TRIM9: variants seen among roughly 807,000 people sequenced by gnomAD.
TRIM9 encodes tripartite motif containing 9, also known as E3 ubiquitin-protein ligase TRIM9.
TRIM9 carries 26 observed loss-of-function variants against 78.3 expected under a neutral mutation model. That is an observed-to-expected ratio of 0.33 (90% CI 0.24 to 0.46). The LOEUF (loss-of-function observed/expected upper bound fraction) is 0.46. Among genes scored for constraint, TRIM9 ranks in the 20% least tolerant of loss-of-function variants. The pLI, the probability that TRIM9 is intolerant of heterozygous loss-of-function variation, is 1.00. For missense variants in TRIM9, 787 were observed against 1,036.4 expected (o/e 0.76, Z 3.30); for synonymous variants, 398 against 416.5 (o/e 0.96, Z 0.54).
intron 10 of TRIM9, 145 bp downstream of exon 10, chr14:50,982,797 G>C: frequency 1.4e-6 from 1 of 713,004 alleles, no homozygotes; most frequent in Admixed American, 2.6e-5. Flanking sequence ...TGATGTCTTT[G>C]TACGCATTGT....
chr14:51,071,429 A>G (rs2062253087), intron 1 of TRIM9, among the ~76,000 whole-genome samples: 1 of 151,490 alleles, frequency 6.6e-6, no homozygotes, highest in Admixed American at 6.6e-5. Context: ...AAGAAAAGAA[A>G]GTGGAGACAA....
At chr14:51,065,980 C>T (rs2061694976) in intron 1 of TRIM9, among the ~76,000 whole-genome samples, 1 of 151,608 alleles carries the variant, frequency 6.6e-6, no homozygotes, top group Non-Finnish European at 1.5e-5. Flanking sequence ...AATACAGGGC[C>T]TGTGCCATCA....
intron 1 of TRIM9, among the ~76,000 whole-genome samples, chr14:51,058,540 T>A (rs1236827946): frequency 6.6e-6 from 1 of 152,084 alleles, no homozygotes; most frequent in Non-Finnish European, 1.5e-5. Flanking sequence ...GGGACATGCA[T>A]CCTCCAGGCC....
intron 1 of TRIM9, among the ~76,000 whole-genome samples, chr14:51,081,582 T>C (rs1284493042): frequency 6.6e-6 from 1 of 152,140 alleles, no homozygotes; most frequent in African/African-American, 2.4e-5. Context: ...AGAGTTAGAC[T>C]CCACAGCAGT....
rs868121256 is a variant in TRIM9 at position 51,030,286 on chromosome 14, C to T, written c.823-4926G>A. The stretch of plus-strand genomic sequence containing the variant: ...CTGAGCTGTCCAAGGGTCCTGATTC[C>T]CCCTCTAGGAAACATTTCTATTCCT... On this transcript the variant is annotated intron_variant, in intron 1 of 12. Transcript: ENST00000684578. Among the ~76,000 whole-genome samples, 9 of 152,306 alleles carry T rather than the reference C, an allele frequency of 5.9e-5. No homozygotes were observed. In the South Asian group the frequency reaches 1.4e-3, roughly 25 times the overall value.
In TRIM9 at chr14:50,977,000, T is replaced by C. The variant is rs1462049170; in HGVS notation, c.*291A>G. 3 of 273,286 alleles carry C rather than the reference T, an allele frequency of 1.1e-5. No homozygotes were observed. 16.9% of individuals were successfully genotyped at this position (273,286 alleles called of 1,614,324 possible). A position where few individuals can be genotyped will look rare whatever the true frequency, so the allele number is the denominator to read the frequency against. On this transcript the variant is annotated 3_prime_UTR_variant, in exon 13 of 13. Coordinates refer to ENST00000684578, the MANE Select transcript of TRIM9 (RefSeq NM_001387360.1). ...TAACTCACCTACATAAAAAATTAAG[T>C]TAAATAAAAGCAAAATCTGGGAGTG... is the stretch of plus-strand genomic sequence containing the variant.
At chr14:50,981,577 C>T (rs2051907757) in intron 11 of TRIM9, among the ~76,000 whole-genome samples, 1 of 152,126 alleles carries the variant, frequency 6.6e-6, no homozygotes, top group African/African-American at 2.4e-5. Context: ...GGGTGAAATA[C>T]AGCAATGAAG....
Position 51,094,628 on chromosome 14 carries a change from CG to C in TRIM9, c.311del (p.Pro104ArgfsTer51). 6.2e-7 allele frequency: 1 copy of C among 1,607,244 alleles called. No individual in the cohort carries two copies. On this transcript the variant is annotated frameshift_variant, in exon 1 of 13. Coordinates refer to ENST00000684578, the MANE Select transcript of TRIM9 (RefSeq NM_001387360.1). LOFTEE classifies it high-confidence loss of function. The stretch of plus-strand genomic sequence containing the variant: ...AGTGGGTGGCCGGTGGCGGCATAGC[CG>C]GGGGAAACACGCGGACGCCGTTGGG... The part of the protein sequence containing the change: ...KSPNGVRVFP[P>X]AMPPPATHLS...
At chr14:51,058,720 A>C (rs1163563691) in intron 1 of TRIM9, among the ~76,000 whole-genome samples, 1 of 152,204 alleles carries the variant, frequency 6.6e-6, no homozygotes, top group African/African-American at 2.4e-5. Flanking sequence ...GAAAGAAATA[A>C]ATTTCTATTA....
At chr14:51,081,124 C>T (rs979227299) in intron 1 of TRIM9, among the ~76,000 whole-genome samples, 4 of 152,094 alleles carry the variant, frequency 2.6e-5, no homozygotes, top group Non-Finnish European at 5.9e-5. Flanking sequence ...AATAAGTATC[C>T]AGCATAAATA....
At chr14:51,045,840 G>A (rs1462104769) in intron 1 of TRIM9, among the ~76,000 whole-genome samples, 1 of 152,028 alleles carries the variant, frequency 6.6e-6, no homozygotes, top group African/African-American at 2.4e-5. Context: ...CAATTCAAGT[G>A]CAAAGAAGCA....
chr14:51,078,684 C>A (rs1462775480), intron 1 of TRIM9, among the ~76,000 whole-genome samples: 1 of 151,954 alleles, frequency 6.6e-6, no homozygotes, highest in Non-Finnish European at 1.5e-5. Context: ...GTATTACTTA[C>A]GTGGAATCTA....
At chr14:50,999,529 T>C (rs2054666785) in intron 6 of TRIM9, among the ~76,000 whole-genome samples, 1 of 152,110 alleles carries the variant, frequency 6.6e-6, no homozygotes. Context: ...TTGAGGAGAA[T>C]TGTAGAAGAC....
chr14:50,977,869 G>C (rs1282267375), intron 12 of TRIM9, among the ~76,000 whole-genome samples: 1 of 152,108 alleles, frequency 6.6e-6, no homozygotes, highest in Admixed American at 6.6e-5. Flanking sequence ...AACCTCAATG[G>C]ATAGCTATGG....
rs534073324 is a variant in TRIM9 at position 50,987,669 on chromosome 14, C to A, written c.1604-1525G>T. ...TATAATCATCTTAAGGGGAAATTAG[C>A]CTTTGAGTGTAATAGAAAAATTCAA... is the stretch of plus-strand genomic sequence containing the variant. On this transcript the variant is annotated intron_variant, in intron 7 of 12. Coordinates refer to ENST00000684578, the MANE Select transcript of TRIM9 (RefSeq NM_001387360.1). Among the ~76,000 whole-genome samples, 353 of 152,062 alleles carry A rather than the reference C, an allele frequency of 2.3e-3. 2 individuals are homozygous for A. Among genetic ancestry groups the A allele is most frequent in the Non-Finnish European group, 4.5e-3 (305 of 67,984 alleles).
intron 1 of TRIM9, among the ~76,000 whole-genome samples, chr14:51,039,302 A>G (rs1305358135): frequency 1.3e-5 from 2 of 152,208 alleles, no homozygotes; most frequent in Admixed American, 6.5e-5. Context: ...TCCCAACTCT[A>G]TGTGATAGCA....
At chr14:51,032,006 C>T (rs1295003500) in intron 1 of TRIM9, among the ~76,000 whole-genome samples, 1 of 152,328 alleles carries the variant, frequency 6.6e-6, no homozygotes, top group South Asian at 2.1e-4. Flanking sequence ...TACATAGAAT[C>T]CCCTTTCCCA....
rs769381480 is a variant in TRIM9 at position 51,022,828 on chromosome 14, C to A, written c.1041+7G>T. The A allele has an allele frequency of 3.1e-6, 5 of 1,614,092 alleles. No individual in the cohort carries two copies. Among genetic ancestry groups the A allele is most frequent in the African/African-American group, 1.3e-5 (1 of 75,044 alleles). On this transcript the variant is annotated splice_region_variant and intron_variant, in intron 3 of 12. Coordinates refer to ENST00000684578, the MANE Select transcript of TRIM9 (RefSeq NM_001387360.1). ...GCTTTCTGCTCTTCCCATGATGCAGCACTCACCTTCAGCTTGTGCTCATGC... is the reference window on the plus strand; with the variant it reads ...GCTTTCTGCTCTTCCCATGATGCAGAACTCACCTTCAGCTTGTGCTCATGC...
intron 1 of TRIM9, among the ~76,000 whole-genome samples, chr14:51,083,935 T>C (rs2063536467): frequency 6.6e-6 from 1 of 152,172 alleles, no homozygotes; most frequent in East Asian, 1.9e-4. Flanking sequence ...CTCAACCCCT[T>C]GAAAATAATA....
Sources: allele counts gnomAD v4.1 joint callset (sites outside exome capture counted in the v4.1 genomes callset), GRCh38; gene constraint gnomAD v4.1.1; transcripts MANE v1.5; gene names NCBI Gene and HGNC (gene_info 2026-07-23, HGNC 2026-07-21).